ADAMTS12: variants seen among roughly 807,000 people sequenced by gnomAD.
The protein encoded by ADAMTS12 is ADAM metallopeptidase with thrombospondin type 1 motif 12.
Under a neutral mutation model 167.8 loss-of-function variants are expected in ADAMTS12, and 118 were observed. The ratio of observed to expected loss-of-function variants is 0.70; its 90% CI spans 0.61 to 0.82. The LOEUF is 0.82. Among genes scored for constraint, ADAMTS12 ranks in the 40% least tolerant of loss-of-function variants. The probability of loss-of-function intolerance (pLI) is 0.00; values close to 1 mark genes in which losing one functional copy is unlikely to be tolerated. For synonymous variants in ADAMTS12, 704 were observed against 716.9 expected (o/e 0.98, Z 0.29); for missense variants, 1,916 against 1,998.8 (o/e 0.96, Z 0.79).
chr5:33,769,975 T>C (rs1454477108), intron 2 of ADAMTS12, among the ~76,000 whole-genome samples: 1 of 152,222 alleles, frequency 6.6e-6, no homozygotes, highest in Non-Finnish European at 1.5e-5. Context: ...ATAATCATAA[T>C]AAATTGTTTT....
At chr5:33,866,360 T>C (rs1256188724) in intron 2 of ADAMTS12, among the ~76,000 whole-genome samples, 5 of 152,040 alleles carry the variant, frequency 3.3e-5, no homozygotes, top group African/African-American at 9.7e-5. Flanking sequence ...TCCTGTTTAA[T>C]AAATAAATGG....
At chr5:33,689,596 A>T (rs907771590) in intron 3 of ADAMTS12, among the ~76,000 whole-genome samples, 1 of 152,092 alleles carries the variant, frequency 6.6e-6, no homozygotes, top group African/African-American at 2.4e-5. Context: ...TAACTCAGAC[A>T]AGTGCTACTC....
In ADAMTS12 at chr5:33,576,950, T is replaced by G; in HGVS notation, c.3076A>C (p.Thr1026Pro). ...GTGGTCAGCATTCTGGGCCTGGATG[T>G]AGGTGGAGGGACGGGCTTTAGTGTT... ...PPTLKPVPPP[T>P]SRPRMLTTPT... The change falls in exon 19 of 24, where the codon ACA (threonine) becomes CCA (proline). Residue 1026 changes from threonine to proline, a missense_variant. By Grantham distance (38) the Thr-to-Pro change is conservative. Transcript: ENST00000504830. 6.2e-7 allele frequency: 1 copy of G among 1,614,192 alleles called. No homozygotes were observed. Among genetic ancestry groups the G allele is most frequent in the South Asian group, 1.1e-5 (1 of 91,082 alleles).
chr5:33,814,356 C>T (rs1747573869), intron 2 of ADAMTS12, among the ~76,000 whole-genome samples: 1 of 152,076 alleles, frequency 6.6e-6, no homozygotes, highest in African/African-American at 2.4e-5. Context: ...CATCCTTTTC[C>T]TGCATTGTAA....
chr5:33,827,556 A>G (rs1057112266), intron 2 of ADAMTS12, among the ~76,000 whole-genome samples: 2 of 152,152 alleles, frequency 1.3e-5, no homozygotes, highest in Non-Finnish European at 2.9e-5. Flanking sequence ...CTTATTATGC[A>G]GCAATAGAAA....
intron 2 of ADAMTS12, among the ~76,000 whole-genome samples, chr5:33,782,658 A>C (rs1746175439): frequency 6.6e-6 from 1 of 152,072 alleles, no homozygotes; most frequent in Non-Finnish European, 1.5e-5. Flanking sequence ...AATAACAAAA[A>C]ATATTTTAAG....
intron 3 of ADAMTS12, among the ~76,000 whole-genome samples, chr5:33,728,144 C>A (rs1249782748): frequency 1.3e-5 from 2 of 152,200 alleles, no homozygotes; most frequent in African/African-American, 4.8e-5. Context: ...TCCAGAGCAG[C>A]CCTGAGACCA....
intron 9 of ADAMTS12, among the ~76,000 whole-genome samples, chr5:33,644,215 T>C (rs1740579249): frequency 6.6e-6 from 1 of 152,218 alleles, no homozygotes; most frequent in Non-Finnish European, 1.5e-5. Flanking sequence ...AAATTTTGCC[T>C]CTCCTTTCTC....
At chr5:33,560,779 G>T in intron 20 of ADAMTS12, among the ~76,000 whole-genome samples, 1 of 117,574 alleles carries the variant, frequency 8.5e-6, no homozygotes, top group East Asian at 3.0e-4. Context: ...GTGGGGTGGG[G>T]GGAGGGGGGA....
chr5:33,625,840 A>G (rs1390762682), intron 13 of ADAMTS12, among the ~76,000 whole-genome samples: 1 of 152,152 alleles, frequency 6.6e-6, no homozygotes, highest in Admixed American at 6.5e-5. Flanking sequence ...TTAAGTATGC[A>G]ACAAAAGGTC....
At position 33,878,265 on chromosome 5, in the gene ADAMTS12, T is replaced by C. The variant is rs543280559; in HGVS notation, c.489+2854A>G. On this transcript the variant is annotated intron_variant, in intron 2 of 23. Transcript: ENST00000504830. ...ACACACAGAAAGGAAAGAAACTCAT[T>C]TGGCTTTGGGTGCCTTTTTTTTTTT... 4.6e-5 allele frequency among the ~76,000 whole-genome samples: 6 copies of C among 130,134 alleles called. No individual in the cohort carries two copies. The South Asian group carries it at 1.3e-3, about 28-fold the overall frequency. 85.4% of individuals were successfully genotyped at this position (130,134 alleles called of 152,430 possible).
intron 2 of ADAMTS12, among the ~76,000 whole-genome samples, chr5:33,848,764 A>G (rs1749045887): frequency 6.6e-6 from 1 of 152,188 alleles, no homozygotes; most frequent in Admixed American, 6.5e-5. Context: ...TGCAAGTATT[A>G]GCACTGAAAA....
chr5:33,713,163 A>G (rs1270604131), intron 3 of ADAMTS12, among the ~76,000 whole-genome samples: 1 of 152,168 alleles, frequency 6.6e-6, no homozygotes, highest in Non-Finnish European at 1.5e-5. Context: ...GTGAAATGCA[A>G]CAAAGGGAAC....
At chr5:33,738,968 C>T (rs185386160) in intron 3 of ADAMTS12, among the ~76,000 whole-genome samples, 14 of 152,330 alleles carry the variant, frequency 9.2e-5, no homozygotes, top group African/African-American at 2.9e-4. Context: ...GTGGGGTTGA[C>T]ATTGACTCTA....
chr5:33,817,582 C>T (rs1173842421), intron 2 of ADAMTS12, among the ~76,000 whole-genome samples: 1 of 152,150 alleles, frequency 6.6e-6, no homozygotes, highest in African/African-American at 2.4e-5. Context: ...CTTGGACAAT[C>T]TCATTTAATC....
chr5:33,681,157 A>G (rs1388878349), intron 5 of ADAMTS12, among the ~76,000 whole-genome samples: 4 of 152,332 alleles, frequency 2.6e-5, no homozygotes, highest in South Asian at 2.1e-4. Flanking sequence ...GAAATGACAT[A>G]CCCATTGGTA....
At chr5:33,654,752 A>C (rs1328914365) in intron 7 of ADAMTS12, among the ~76,000 whole-genome samples, 2 of 152,140 alleles carry the variant, frequency 1.3e-5, no homozygotes, top group Non-Finnish European at 2.9e-5. Context: ...ACAGTTGTAC[A>C]GTTTTTTCTT....
chr5:33,728,794 C>A (rs1428813262), intron 3 of ADAMTS12, among the ~76,000 whole-genome samples: 2 of 152,210 alleles, frequency 1.3e-5, no homozygotes, highest in African/African-American at 4.8e-5. Context: ...AACGACTAAC[C>A]AGTAATGTCA....
chr5:33,665,260 A>G (rs1741424057), intron 5 of ADAMTS12, among the ~76,000 whole-genome samples: 1 of 152,162 alleles, frequency 6.6e-6, no homozygotes, highest in Non-Finnish European at 1.5e-5. Context: ...GAGGTTTGTC[A>G]AAGGATTCAA....
Sources: allele counts gnomAD v4.1 joint callset (sites outside exome capture counted in the v4.1 genomes callset), GRCh38; gene constraint gnomAD v4.1.1; transcripts MANE v1.5; gene names NCBI Gene and HGNC (gene_info 2026-07-23, HGNC 2026-07-21).